The following MPP7 variants were observed in gnomAD, a reference collection of about 807,000 sequenced individuals.
MPP7 encodes the protein MAGUK p55 subfamily member 7.
A neutral mutation model predicts 76.5 loss-of-function variants in MPP7; 60 were observed. The ratio of observed to expected loss-of-function variants is 0.78; its 90% CI spans 0.64 to 0.97. MPP7 has a LOEUF of 0.97. MPP7 is among the 50% of genes least tolerant of loss of function. MPP7 has a pLI of 0.00. For missense variants in MPP7, 641 were observed against 694.0 expected, an observed-to-expected ratio of 0.92 and a Z score of 0.86; for synonymous variants, 237 against 244.5, an observed-to-expected ratio of 0.97 and a Z score of 0.29.
intron 1 of MPP7, among the ~76,000 whole-genome samples, chr10:28,271,043 G>A (rs960406377): frequency 6.6e-6 from 1 of 152,154 alleles, no homozygotes; most frequent in African/African-American, 2.4e-5. Context: ...AGCAACTGGT[G>A]TGTTTTAATT....
rs1239368931 is a variant in MPP7, at chr10:28,177,067, T to C, written c.156+25086A>G. On this transcript the variant is annotated intron_variant, in intron 3 of 16. Transcript: ENST00000683449. The stretch of plus-strand genomic sequence containing the variant: ...AAAGAAAAGAAAAAAACAAGAATAA[T>C]TGCAGTGGACTAAAACTCATCAAAT... 2.6e-5 allele frequency among the ~76,000 whole-genome samples: 4 copies of C among 151,022 alleles called. No homozygotes were observed. The East Asian group carries it at 5.8e-4, about 22-fold the overall frequency.
chr10:28,134,424 T>C (rs1460899625), intron 5 of MPP7, among the ~76,000 whole-genome samples: 1 of 152,208 alleles, frequency 6.6e-6, no homozygotes, highest in Non-Finnish European at 1.5e-5. Flanking sequence ...ATCAGTTACA[T>C]GTGCTAGAAA....
intron 11 of MPP7, among the ~76,000 whole-genome samples, chr10:28,099,801 C>G (rs1853734885): frequency 6.6e-6 from 1 of 151,432 alleles, no homozygotes; most frequent in South Asian, 2.1e-4. Context: ...GAGTGAAACT[C>G]CATCTCCCAA....
At chr10:28,128,779 C>A (rs752518126) in intron 6 of MPP7, among the ~76,000 whole-genome samples, 1 of 152,046 alleles carries the variant, frequency 6.6e-6, no homozygotes. Context: ...AACAAATAGA[C>A]AGATGGATAT....
At chr10:28,330,970 T>C (rs1834465580) in intron 1 of MPP7, among the ~76,000 whole-genome samples, 1 of 152,196 alleles carries the variant, frequency 6.6e-6, no homozygotes, top group African/African-American at 2.4e-5. Flanking sequence ...CTGATCCATC[T>C]TGTTATTCTT....
At chr10:28,282,125 C>T (rs1215964068) in intron 1 of MPP7, 1 of 152,080 alleles carries the variant, frequency 6.6e-6, no homozygotes, top group African/African-American at 2.4e-5. Flanking sequence ...CAGGTGGTTC[C>T]TGTTAGTTCC....
chr10:28,303,793 C>G (rs889261111), upstream of MPP7, among the ~76,000 whole-genome samples: 3 of 152,086 alleles, frequency 2.0e-5, no homozygotes, highest in Admixed American at 2.0e-4. Flanking sequence ...CTGAGGGCTA[C>G]CCCGAAAAAA....
intron 3 of MPP7, among the ~76,000 whole-genome samples, chr10:28,199,904 ACG>A (rs769016041): frequency 2.0e-5 from 3 of 147,820 alleles, no homozygotes; most frequent in South Asian, 4.4e-4. Flanking sequence ...ACACACACAC[ACG>A]ATCACACGAT....
intron 1 of MPP7, among the ~76,000 whole-genome samples, chr10:28,301,796 G>A (rs1271935661): frequency 6.6e-6 from 1 of 152,116 alleles, no homozygotes; most frequent in Non-Finnish European, 1.5e-5. Context: ...TAGAACCAGA[G>A]TGAACCTGAG....
intron 11 of MPP7, among the ~76,000 whole-genome samples, chr10:28,096,164 A>G (rs991982539): frequency 3.3e-5 from 5 of 152,220 alleles, no homozygotes; most frequent in Non-Finnish European, 5.9e-5. Context: ...ACTGCAATAA[A>G]CATCCCTTTA....
intron 6 of MPP7, among the ~76,000 whole-genome samples, chr10:28,130,454 T>C (rs563380955): frequency 9.2e-5 from 14 of 152,318 alleles, no homozygotes; most frequent in Non-Finnish European, 7.4e-5. Flanking sequence ...CATTTTTAGA[T>C]AACACTGGTA....
chr10:28,283,980 A>G (rs1232963754), intron 1 of MPP7, among the ~76,000 whole-genome samples: 2 of 152,236 alleles, frequency 1.3e-5, no homozygotes, highest in African/African-American at 4.8e-5. Flanking sequence ...TCTGGAAATT[A>G]GAAGCACCCA....
At chr10:28,057,342 T>C (rs58675343) in intron 15 of MPP7, among the ~76,000 whole-genome samples, 4,099 of 152,238 alleles carry the variant, frequency 0.027, 199 homozygotes, top group African/African-American at 0.093. Context: ...GACTGGATCA[T>C]AGGGGCATTT....
intron 1 of MPP7, among the ~76,000 whole-genome samples, chr10:28,256,442 G>A (rs974097935): frequency 4.0e-5 from 6 of 151,536 alleles, no homozygotes; most frequent in African/African-American, 1.2e-4. Context: ...GAATTTCACT[G>A]CAGACATAAT....
Position 28,120,224 on chromosome 10 carries a change from C to G in MPP7, c.857G>C (p.Gly286Ala), listed in dbSNP as rs1253235224. The stretch of plus-strand genomic sequence containing the variant: ...CTGGAAATGCTTTGAGGGGATCAAG[C>G]CTGCCCTGGGGTTGGCATCAGCTTC... ...KHEADANPRAGLIPSKHFQER... is the reference protein window; with the variant it reads ...KHEADANPRAALIPSKHFQER... Residue 286 changes from glycine to alanine, a missense_variant, in exon 10 of 17, where the codon GGC becomes GCC. Physicochemically the swap from Gly to Ala is moderately conservative, Grantham distance 60. Transcript: ENST00000683449. The G allele has an allele frequency of 6.2e-7, 1 of 1,613,870 alleles. No individual in the cohort carries two copies. The highest frequency in any genetic ancestry group is 8.5e-7 in the Non-Finnish European group (1 of 1,179,912).
At chr10:28,145,107 G>C (rs1392433077) in intron 5 of MPP7, among the ~76,000 whole-genome samples, 13 of 152,036 alleles carry the variant, frequency 8.6e-5, no homozygotes, top group Non-Finnish European at 1.9e-4. Context: ...TAGAGACGGG[G>C]TTTCACTAAG....
chr10:28,310,440 T>TG (rs1841283557), intron 2 of MPP7, among the ~76,000 whole-genome samples: 1 of 152,144 alleles, frequency 6.6e-6, no homozygotes, highest in African/African-American at 2.4e-5. Flanking sequence ...CTCCTCCTGT[T>TG]GCGCTGTCAC....
At chr10:28,171,399 G>A (rs6481502) in intron 3 of MPP7, among the ~76,000 whole-genome samples, 20,468 of 152,040 alleles carry the variant, frequency 0.13, 2,065 homozygotes, top group African/African-American at 0.28. Flanking sequence ...TCTATGCTGT[G>A]GGAAAAGTCT....
chr10:28,092,897 A>G (rs1853386864), intron 11 of MPP7, among the ~76,000 whole-genome samples: 1 of 152,008 alleles, frequency 6.6e-6, no homozygotes, highest in African/African-American at 2.4e-5. Flanking sequence ...TATCACAGAC[A>G]TAACACACTA....
Sources: gnomAD v4.1 joint callset for allele counts (sites outside exome capture counted in the v4.1 genomes callset) on GRCh38, gnomAD v4.1.1 for gene constraint, MANE v1.5 for transcripts, NCBI Gene and HGNC (gene_info 2026-07-23, HGNC 2026-07-21) for gene names.